Variants in ATRX observed in about 807,000 individuals in gnomAD.
ATRX encodes chromatin remodeler ATRX.
ATRX carries 12 observed loss-of-function variants against 172.6 expected under a neutral mutation model. That is an observed-to-expected ratio of 0.07 (90% CI 0.04 to 0.11). The LOEUF (loss-of-function observed/expected upper bound fraction) is 0.11, where lower values mean the gene tolerates loss of function less well. ATRX is among the 10% of genes least tolerant of loss of function. The pLI, the probability that ATRX is intolerant of heterozygous loss-of-function variation, is 1.00. For missense variants in ATRX, 1,368 were observed against 1,767.4 expected, an observed-to-expected ratio of 0.77 and a Z score of 4.05; for synonymous variants, 674 against 594.7, an observed-to-expected ratio of 1.13 and a Z score of -1.94.
intron 27 of ATRX, among the ~76,000 whole-genome samples, chrX:77,576,357 A>T (rs1289554492): frequency 7.2e-5 from 8 of 111,238 alleles, no homozygotes; most frequent in Non-Finnish European, 1.1e-4. Context: ...ATAGAAAAAA[A>T]ATATATTTAA....
chrX:77,632,117 G>C (rs1260243628), intron 19 of ATRX, among the ~76,000 whole-genome samples: 1 of 111,231 alleles, frequency 9.0e-6, no homozygotes, highest in Non-Finnish European at 1.9e-5. Flanking sequence ...TTCTGCCTCA[G>C]CCTCCTGAGT....
chrX:77,746,249 A>G (rs189342402), intron 1 of ATRX, among the ~76,000 whole-genome samples: 1 of 111,303 alleles, frequency 9.0e-6, no homozygotes, highest in Admixed American at 9.7e-5. Flanking sequence ...CGGCTCTGTA[A>G]TCTATCCATG....
intron 6 of ATRX, among the ~76,000 whole-genome samples, chrX:77,691,881 A>G (rs192064768): frequency 2.7e-5 from 3 of 112,041 alleles, no homozygotes; most frequent in Non-Finnish European, 5.6e-5. Context: ...AATGTAACAA[A>G]TCATTAAGAT....
At chrX:77,509,359 C>G in intron 34 of ATRX, among the ~76,000 whole-genome samples, 1 of 112,326 alleles carries the variant, frequency 8.9e-6, no homozygotes. Context: ...GCAAATGTGA[C>G]TGGAGGCAGA....
At chrX:77,702,247 AGCCTG>A (rs1423226581) in intron 2 of ATRX, among the ~76,000 whole-genome samples, 1 of 111,615 alleles carries the variant, frequency 9.0e-6, no homozygotes, top group African/African-American at 3.3e-5. Context: ...GTTCAAGACC[AGCCTG>A]GCCAACATGG....
At chrX:77,666,870 T>A (rs906130487) in intron 10 of ATRX, among the ~76,000 whole-genome samples, 6 of 111,297 alleles carry the variant, frequency 5.4e-5, no homozygotes, top group African/African-American at 1.6e-4. Context: ...AAAAAAAAAA[T>A]TCATGTATGT....
intron 30 of ATRX, among the ~76,000 whole-genome samples, chrX:77,552,867 G>C (rs1174119070): frequency 9.0e-6 from 1 of 111,211 alleles, no homozygotes; most frequent in Admixed American, 9.6e-5. Flanking sequence ...CACATATCAA[G>C]TAAGTTAAAA....
chrX:77,529,189 C>T (rs2063492247), intron 30 of ATRX, among the ~76,000 whole-genome samples: 1 of 111,704 alleles, frequency 9.0e-6, no homozygotes, highest in Non-Finnish European at 1.9e-5. Context: ...ACTGGGGTCC[C>T]TAAAACTGAC....
intron 2 of ATRX, among the ~76,000 whole-genome samples, chrX:77,708,784 T>C: frequency 8.9e-6 from 1 of 112,677 alleles, no homozygotes; most frequent in East Asian, 2.8e-4. Context: ...GATAAAAATA[T>C]TTTAAAATTG....
At chrX:77,593,110 G>T (rs1176197766) in intron 26 of ATRX, among the ~76,000 whole-genome samples, 3 of 108,496 alleles carry the variant, frequency 2.8e-5, no homozygotes, top group African/African-American at 1.0e-4. Flanking sequence ...TGTAGTCCCA[G>T]CTACTGGAGA....
rs1259295454 is a variant in ATRX, at chrX:77,507,043, T to G, written c.*1308A>C. The stretch of plus-strand genomic sequence containing the variant: ...CTTTAACAATTCAAGTAACCAAAAT[T>G]GTACATGAATAAATTTATAGGTCAT... On this transcript the variant is annotated 3_prime_UTR_variant, in exon 35 of 35. Coordinates refer to ENST00000373344, the MANE Select transcript of ATRX (RefSeq NM_000489.6). 1 of 169,884 alleles carries G rather than the reference T, an allele frequency of 5.9e-6. No homozygotes were observed. The highest frequency in any genetic ancestry group is 1.1e-5 in the Non-Finnish European group (1 of 90,158). 14.0% of individuals were successfully genotyped at this position (169,884 alleles called of 1,213,427 possible).
chrX:77,585,878 G>A (rs1213640426), intron 27 of ATRX, among the ~76,000 whole-genome samples: 1 of 110,818 alleles, frequency 9.0e-6, no homozygotes, highest in Non-Finnish European at 1.9e-5. Flanking sequence ...AGTGAAATAA[G>A]CTAGGCAGAG....
intron 1 of ATRX, among the ~76,000 whole-genome samples, chrX:77,723,926 T>C (rs782599602): frequency 6.3e-5 from 7 of 111,643 alleles, no homozygotes; most frequent in Admixed American, 1.9e-4. Flanking sequence ...GTTAAAAATA[T>C]GGATAACATC....
chrX:77,655,145 AAG>A (rs2069478830), intron 13 of ATRX, among the ~76,000 whole-genome samples: 1 of 111,107 alleles, frequency 9.0e-6, no homozygotes, highest in African/African-American at 3.3e-5. Context: ...GAAGAGGAAA[AAG>A]AGAGTGGTTT....
intron 1 of ATRX, among the ~76,000 whole-genome samples, chrX:77,742,323 C>T (rs782420776): frequency 2.7e-5 from 3 of 111,641 alleles, no homozygotes; most frequent in Non-Finnish European, 5.6e-5. Flanking sequence ...TTATGGTGCT[C>T]CCTCAGCCCT....
rs139144113 is a variant in ATRX, at chrX:77,729,894, G to A, written c.21-12651C>T. Among the ~76,000 whole-genome samples, 445 of 111,801 alleles carry A rather than the reference G, an allele frequency of 4.0e-3. 3 individuals are homozygous for A. The highest frequency in any genetic ancestry group is 0.014 in the African/African-American group (420 of 30,816). ...AGAGGCTGCAGTGAGCCAAGATCAC[G>A]TCACCGCACTCCAGCCTGGGCAACA... On this transcript the variant is annotated intron_variant, in intron 1 of 34. Coordinates refer to ENST00000373344, the MANE Select transcript of ATRX (RefSeq NM_000489.6).
At chrX:77,645,860 G>A (rs1557113380) in intron 15 of ATRX, among the ~76,000 whole-genome samples, 1 of 111,993 alleles carries the variant, frequency 8.9e-6, no homozygotes, top group African/African-American at 3.2e-5. Flanking sequence ...TAGAATTTTT[G>A]TATGCAACTG....
rs782434379 is a variant in ATRX, at chrX:77,684,332, T to C, written c.924A>G (p.Val308=). The C allele has an allele frequency of 5.0e-6, 6 of 1,209,215 alleles. No individual in the cohort carries two copies. The highest frequency in any genetic ancestry group is 6.7e-6 in the Non-Finnish European group (6 of 893,121). The change falls in exon 9 of 35, where the codon GTA becomes GTG. Residue 308 remains valine, a synonymous_variant. Coordinates refer to ENST00000373344, the MANE Select transcript of ATRX (RefSeq NM_000489.6). The stretch of plus-strand genomic sequence containing the variant: ...GAGAAAATCTGGATGTATGTTCATA[T>C]ACTTTATTACTCTTTTCACTGTCAA... ...IKVDSEKSNK[V]YEHTSRFSPK... is the part of the protein sequence containing the mutation.
chrX:77,617,134 T>G (rs1237113254), intron 21 of ATRX, among the ~76,000 whole-genome samples: 1 of 112,041 alleles, frequency 8.9e-6, no homozygotes, highest in Non-Finnish European at 1.9e-5. Context: ...CAAAGTCTAA[T>G]GCAGTCTGAG....
Sources: gnomAD v4.1 joint callset for allele counts (sites outside exome capture counted in the v4.1 genomes callset) on GRCh38, gnomAD v4.1.1 for gene constraint, MANE v1.5 for transcripts, NCBI Gene and HGNC (gene_info 2026-07-23, HGNC 2026-07-21) for gene names.